PCDH18: variants seen among roughly 807,000 people sequenced by gnomAD.
PCDH18 encodes the protein protocadherin-18.
In PCDH18, 38 loss-of-function variants were observed where a neutral mutation model predicts 71.5. That is an observed-to-expected ratio of 0.53 (90% CI 0.41 to 0.70). The LOEUF (loss-of-function observed/expected upper bound fraction) is 0.70. Ranked by LOEUF, PCDH18 falls within the 30% of genes least tolerant of loss-of-function variation. The pLI, the probability that PCDH18 is intolerant of heterozygous loss-of-function variation, is 0.00. For missense variants in PCDH18, 1,334 were observed against 1,384.6 expected, an observed-to-expected ratio of 0.96 and a Z score of 0.58; for synonymous variants, 565 against 505.4, an observed-to-expected ratio of 1.12 and a Z score of -1.58.
In PCDH18 at chr4:137,521,081, C is replaced by T; in HGVS notation, c.3356G>A (p.Ser1119Asn). 1 of 1,613,120 alleles carries T rather than the reference C, an allele frequency of 6.2e-7. No homozygotes were observed. Among genetic ancestry groups the T allele is most frequent in the Non-Finnish European group, 8.5e-7 (1 of 1,179,240 alleles). ...TTTGTTAATCTCTGCCACCAGTTCA[C>T]TGGCATCCATGAGTTCGTGTTTCCC... The part of the protein sequence containing the change: ...NDGKHELMDA[S>N]ELVAEINKLL... The change falls in exon 4 of 4, where the codon AGT becomes AAT. Residue 1119 changes from serine (S) to asparagine (N), a missense_variant. Physicochemically the swap from Ser to Asn is conservative, Grantham distance 46. Transcript: ENST00000344876.
chr4:137,528,185 G>A (rs543142370), intron 3 of PCDH18, among the ~76,000 whole-genome samples: 40 of 152,254 alleles, frequency 2.6e-4, no homozygotes, highest in Admixed American at 7.2e-4. Context: ...GAGGTGGAAA[G>A]AGGGGGAAAG....
At position 137,521,580 on chromosome 4, in the gene PCDH18, C is replaced by T. The variant is rs575094615; in HGVS notation, c.2857G>A (p.Glu953Lys). ...YRSNMFIPGE[E>K]FPTQPQQQHP... ...TGCTGCTGGGGTTGCGTTGGGAATT[C>T]TTCCCCTGGAATGAACATGTTACTC... Residue 953 changes from glutamate (E) to lysine (K), a missense_variant, in exon 4 of 4, where the codon GAA becomes AAA. By Grantham distance (56) the Glu-to-Lys change is moderately conservative (BLOSUM62 1). Coordinates refer to ENST00000344876, the MANE Select transcript of PCDH18 (RefSeq NM_019035.5). 45 of 1,614,010 alleles carry T rather than the reference C, an allele frequency of 2.8e-5. 2 individuals are homozygous for T. The South Asian group carries it at 4.0e-4, about 14-fold the overall frequency.
intron 3 of PCDH18, among the ~76,000 whole-genome samples, chr4:137,526,103 C>A (rs923665313): frequency 4.6e-5 from 7 of 151,440 alleles, no homozygotes; most frequent in Admixed American, 2.0e-4. Context: ...CACAAACTTA[C>A]GTGGAGGTGG....
At position 137,521,107 on chromosome 4, in the gene PCDH18, A is replaced by G. The variant is rs768951218; in HGVS notation, c.3330T>C (p.Asp1110=). The G allele has an allele frequency of 1.2e-6, 2 of 1,613,984 alleles. No individual in the cohort carries two copies. Among genetic ancestry groups the G allele is most frequent in the South Asian group, 1.1e-5 (1 of 91,066 alleles). Residue 1110 remains aspartate, a synonymous_variant, in exon 4 of 4, where the codon GAT becomes GAC. Transcript: ENST00000344876. ...DFDNVLNHLN[D]GKHELMDASE... ...TGGCATCCATGAGTTCGTGTTTCCC[A>G]TCATTGAGGTGGTTGAGCACATTGT...
chr4:137,528,667 A>T (rs1471615212), intron 2 of PCDH18, 26 bp from the exon 3 acceptor site: 2 of 1,612,116 alleles, frequency 1.2e-6, no homozygotes, highest in Admixed American at 3.3e-5. Flanking sequence ...ACAAAAAAAA[A>T]TTACAGTTTT....
intron 1 of PCDH18, 24 bp downstream of exon 1, chr4:137,529,578 A>C: frequency 6.6e-7 from 1 of 1,507,828 alleles, no homozygotes. Flanking sequence ...CATTGCAATG[A>C]ATTGATGCGG....
At chr4:137,529,359 G>C (rs369624228) in intron 1 of PCDH18, 181 of 398,914 alleles carry the variant, frequency 4.5e-4, no homozygotes, top group African/African-American at 3.1e-3. Flanking sequence ...AGTCCTTTGT[G>C]ACCTTCACAT....
At chr4:137,524,232 T>A (rs1731382351) in intron 3 of PCDH18, among the ~76,000 whole-genome samples, 1 of 152,118 alleles carries the variant, frequency 6.6e-6, no homozygotes, top group Non-Finnish European at 1.5e-5. Flanking sequence ...ACTATAAGAC[T>A]ATGAATTTTG....
In PCDH18 at chr4:137,532,118, G is replaced by T; in HGVS notation, c.-30C>A. 6.4e-7 allele frequency: 1 copy of T among 1,565,482 alleles called. No homozygotes were observed. The highest frequency in any genetic ancestry group is 8.8e-7 in the Non-Finnish European group (1 of 1,137,824). ...CAGTTTATGAGATTTCCCTCACAGA[G>T]CAAGTTAAAACAGCAAAGCAATTGC... On this transcript the variant is annotated 5_prime_UTR_variant, in exon 1 of 4. Coordinates refer to ENST00000344876, the MANE Select transcript of PCDH18 (RefSeq NM_019035.5).
At chr4:137,529,291 C>T (rs1578746895) in intron 1 of PCDH18, 2 of 284,068 alleles carry the variant, frequency 7.0e-6, no homozygotes, top group South Asian at 2.1e-4. Flanking sequence ...TAAAGCAAGT[C>T]TCTACTTTTT....
chr4:137,532,380 C>G lies in PCDH18; in HGVS notation c.-292G>C. The G allele has an allele frequency of 1.4e-6, 1 of 701,974 alleles. No homozygotes were observed. Among genetic ancestry groups the G allele is most frequent in the Non-Finnish European group, 2.6e-6 (1 of 384,810 alleles). 43.5% of individuals were successfully genotyped at this position (701,974 alleles called of 1,614,324 possible). ...TCTCCCTTGTGTAGTCGGAATCCAT[C>G]TATTGCAGGGTGCCGGTGGAGTCTG... On this transcript the variant is annotated 5_prime_UTR_variant, in exon 1 of 4. Coordinates refer to ENST00000344876, the MANE Select transcript of PCDH18 (RefSeq NM_019035.5).
At position 137,521,258 on chromosome 4, in the gene PCDH18, G is replaced by A. The variant is rs531335234; in HGVS notation, c.3179C>T (p.Thr1060Met). ...GTTGGTGGTGGGATTTTGAAAATGC[G>A]TACTGGCTGCCCATGCCGCTACCCC... ...PQGVAAWAAS[T>M]HFQNPTTNCG... Residue 1060 changes from threonine (T) to methionine (M), a missense_variant, in exon 4 of 4, where the codon ACG (threonine) becomes ATG (methionine). Thr to Met is a moderately conservative substitution (Grantham distance 81). Transcript: ENST00000344876. 33 of 1,614,118 alleles carry A rather than the reference G, an allele frequency of 2.0e-5. No individual in the cohort carries two copies. The highest frequency in any genetic ancestry group is 2.0e-4 in the Admixed American group (12 of 60,032).
chr4:137,525,855 T>G lies in PCDH18; in HGVS notation c.2740+2623A>C, dbSNP rs10020997. On this transcript the variant is annotated intron_variant, in intron 3 of 3. Transcript: ENST00000344876. Reference sequence around the variant, plus strand: ...ATTGTGCAAATATGAGATTTTTTTTTAAAAATTGTCTCATGTTAAGTGGAA... The same window carrying G: ...ATTGTGCAAATATGAGATTTTTTTTGAAAAATTGTCTCATGTTAAGTGGAA... Among the ~76,000 whole-genome samples the G allele has an allele frequency of 3.4e-4, 51 of 151,550 alleles. 1 individual carries two copies. Among genetic ancestry groups the G allele is most frequent in the African/African-American group, 4.1e-4 (17 of 41,316 alleles).
In PCDH18 at chr4:137,529,615, G is replaced by A; in HGVS notation, c.2474C>T (p.Thr825Ile). Residue 825 changes from threonine to isoleucine, a missense_variant, in exon 1 of 4, where the codon ACT becomes ATT. Thr to Ile is a moderately conservative substitution (Grantham distance 89). Around this residue, in one of 3 missense-constraint regions of PCDH18, gnomAD observed 1,011 missense variants for 1,048.0 expected, o/e 0.96. Transcript: ENST00000344876. The stretch of plus-strand genomic sequence containing the variant: ...TTATGATCTTACCTCAACAGCAGGA[G>A]TGGCGTGGGTGAGTTCTAATGAGAA... ...ENFSLELTHA[T>I]PAVEQVSQLL... 1.3e-6 allele frequency: 2 copies of A among 1,599,418 alleles called. No homozygotes were observed. Among genetic ancestry groups the A allele is most frequent in the Non-Finnish European group, 1.7e-6 (2 of 1,170,846 alleles).
rs527695737 is a variant in PCDH18 at position 137,531,331 on chromosome 4, A to G, written c.758T>C (p.Ile253Thr). The G allele has an allele frequency of 2.5e-5, 41 of 1,613,976 alleles. 1 individual carries two copies. In the South Asian group the frequency reaches 4.2e-4, roughly 16 times the overall value. Residue 253 changes from isoleucine (I) to threonine (T), a missense_variant, in exon 1 of 4, where the codon ATA (isoleucine) becomes ACA (threonine). Ile to Thr is a moderately conservative substitution (Grantham distance 89, BLOSUM62 -1). This residue lies in a region of PCDH18 where 1,011 missense variants were observed against 1,048.0 expected (regional missense o/e 0.96). Coordinates refer to ENST00000344876, the MANE Select transcript of PCDH18 (RefSeq NM_019035.5). The stretch of plus-strand genomic sequence containing the variant: ...AACCGGGGAGTTTTCTAAGAGTTGT[A>G]TTATATAAGATTGCTGCTCAAAAGC... ...SPAFEQQSYI[I>T]QLLENSPVGT...
chr4:137,525,940 A>T (rs1430198910), intron 3 of PCDH18, among the ~76,000 whole-genome samples: 3 of 152,048 alleles, frequency 2.0e-5, no homozygotes, highest in African/African-American at 7.2e-5. Flanking sequence ...ATACTGATGA[A>T]GCTTAACGTC....
chr4:137,524,337 G>A (rs144486004), intron 3 of PCDH18, among the ~76,000 whole-genome samples: 1 of 152,226 alleles, frequency 6.6e-6, no homozygotes, highest in African/African-American at 2.4e-5. Flanking sequence ...TGATCAATCA[G>A]TTATCCGTTA....
chr4:137,521,716 TG>T lies in PCDH18; in HGVS notation c.2741-21del. On this transcript the variant is annotated intron_variant, in intron 3 of 3. Transcript: ENST00000344876. ...TCATAGCTGCACTCAAGAAAAACAG[TG>T]GGGATTCATTATTATACTTAGCACG... 6.4e-7 allele frequency: 1 copy of T among 1,563,884 alleles called. No individual in the cohort carries two copies.
Position 137,521,061 on chromosome 4 carries a change from T to C in PCDH18, c.3376A>G (p.Asn1126Asp). The C allele has an allele frequency of 6.2e-7, 1 of 1,606,014 alleles. No homozygotes were observed. Among genetic ancestry groups the C allele is most frequent in the Non-Finnish European group, 8.5e-7 (1 of 1,173,944 alleles). Residue 1126 changes from asparagine (N) to aspartate (D), a missense_variant, in exon 4 of 4, where the codon AAC (asparagine) becomes GAC (aspartate). This residue lies in a region of PCDH18 where 319 missense variants were observed against 316.3 expected (regional missense o/e 1.01). Coordinates refer to ENST00000344876, the MANE Select transcript of PCDH18 (RefSeq NM_019035.5). ...TGGCGGACATCTTGAAGCAGTTTGT[T>C]AATCTCTGCCACCAGTTCACTGGCA... ...MDASELVAEI[N>D]KLLQDVRQS
Sources: allele counts gnomAD v4.1 joint callset (sites outside exome capture counted in the v4.1 genomes callset), GRCh38; gene constraint gnomAD v4.1.1; regional missense constraint gnomAD v4.1.1; transcripts MANE v1.5; gene names NCBI Gene and HGNC (gene_info 2026-07-23, HGNC 2026-07-21).